Variants in C8orf74 observed in about 807,000 individuals in gnomAD.
C8orf74 encodes the protein uncharacterized protein C8orf74.
Under a neutral mutation model 22.2 loss-of-function variants are expected in C8orf74, and 29 were observed. The observed-to-expected ratio is 1.31, with a 90% confidence interval of 0.97 to 1.78. C8orf74 has a LOEUF of 1.78. Among genes scored for constraint, C8orf74 ranks in the 40% most tolerant of loss-of-function variants. The pLI is 0.00. For missense variants in C8orf74, 515 were observed against 369.9 expected, an observed-to-expected ratio of 1.39 and a Z score of -3.22; for synonymous variants, 255 against 163.1, an observed-to-expected ratio of 1.56 and a Z score of -4.30.
At chr8:10,674,909 C>A (rs1799001640) in intron 2 of C8orf74, 71 bp downstream of exon 2, 3 of 1,306,620 alleles carry the variant, frequency 2.3e-6, no homozygotes, top group Middle Eastern at 2.1e-4. Flanking sequence ...AACTCCCCTG[C>A]CGTCCACAGC....
Position 10,674,863 on chromosome 8 carries a change from C to T in C8orf74, c.241+25C>T, listed in dbSNP as rs1487909778. On this transcript the variant is annotated intron_variant, in intron 2 of 3. Coordinates refer to ENST00000304519, the MANE Select transcript of C8orf74 (RefSeq NM_001040032.2). Reference sequence around the variant, plus strand: ...GGTATGGTGTGTCCAGGGCAGGAGTCAGCAGAGGCTGGCGGGATGGGGTGG... The same window carrying T: ...GGTATGGTGTGTCCAGGGCAGGAGTTAGCAGAGGCTGGCGGGATGGGGTGG... 3.2e-6 allele frequency: 5 copies of T among 1,562,864 alleles called. No individual in the cohort carries two copies. In the South Asian group the frequency reaches 4.7e-5, roughly 15 times the overall value.
intron 2 of C8orf74, among the ~76,000 whole-genome samples, chr8:10,684,343 G>A (rs1004146903): frequency 3.3e-5 from 5 of 152,120 alleles, no homozygotes; most frequent in Non-Finnish European, 2.9e-5. Flanking sequence ...GAGAAATGGC[G>A]GCAAGGATCA....
chr8:10,690,916 C>G (rs935770455), intron 2 of C8orf74: 3 of 456,018 alleles, frequency 6.6e-6, no homozygotes, highest in African/African-American at 4.0e-5. Flanking sequence ...AAGTTCCCAG[C>G]AGCCAATGCA....
chr8:10,684,627 T>G (rs1405624281), intron 2 of C8orf74, among the ~76,000 whole-genome samples: 4 of 152,264 alleles, frequency 2.6e-5, no homozygotes, highest in Non-Finnish European at 5.9e-5. Context: ...AAGGGGTGCC[T>G]GAAACAGGGG....
rs1256193901 is a variant in C8orf74, at chr8:10,697,596, C to CAGGCTGCTCCATTACTG, written c.246_262dup. On this transcript the variant is annotated splice_region_variant and splice_polypyrimidine_tract_variant and intron_variant, in intron 2 of 3. Coordinates refer to ENST00000304519, the MANE Select transcript of C8orf74 (RefSeq NM_001040032.2). ...ACTCTGTTCTTGGCCCCTGTGCCTA[C>CAGGCTGCTCCATTACTG]AGGCTGCTCCATTACTGAGGCTGTG... is the stretch of plus-strand genomic sequence containing the variant. 2 of 1,611,860 alleles carry CAGGCTGCTCCATTACTG rather than the reference C, an allele frequency of 1.2e-6. No individual in the cohort carries two copies. Among genetic ancestry groups the CAGGCTGCTCCATTACTG allele is most frequent in the African/African-American group, 2.7e-5 (2 of 74,936 alleles).
At position 10,700,367 on chromosome 8, in the gene C8orf74, G is replaced by GCCCCCCCCCCCAAACCCCCCC; in HGVS notation, c.786_787insCCCCCCAAACCCCCCCCCCCC (p.Pro262_Thr263insProProLysProProProPro). 1.3e-5 allele frequency: 21 copies of GCCCCCCCCCCCAAACCCCCCC among 1,590,756 alleles called. No individual in the cohort carries two copies. Among genetic ancestry groups the GCCCCCCCCCCCAAACCCCCCC allele is most frequent in the Non-Finnish European group, 1.5e-5 (17 of 1,159,652 alleles). On this transcript the variant is annotated inframe_insertion, in exon 4 of 4. Coordinates refer to ENST00000304519, the MANE Select transcript of C8orf74 (RefSeq NM_001040032.2). ...TCAGAAGAAGACTCTGAACCTCAAC[G>GCCCCCCCCCCCAAACCCCCCC]CCCCCACCCCTATCCCGCCCCCCAT...
chr8:10,697,113 G>T (rs6980758), intron 2 of C8orf74, among the ~76,000 whole-genome samples: 8,430 of 152,156 alleles, frequency 0.055, 772 homozygotes, highest in African/African-American at 0.19. Flanking sequence ...TGGTACACTC[G>T]ATACCTTTCA....
chr8:10,679,865 C>T (rs929428738), intron 2 of C8orf74: 3 of 152,806 alleles, frequency 2.0e-5, no homozygotes, highest in Non-Finnish European at 2.9e-5. Context: ...CCCTGCTTCA[C>T]CAGGCCGTCC....
chr8:10,695,659 G>C (rs751843513), intron 2 of C8orf74, among the ~76,000 whole-genome samples: 1 of 152,190 alleles, frequency 6.6e-6, no homozygotes, highest in African/African-American at 2.4e-5. Context: ...GGAATGGGGG[G>C]TGGGGAGACT....
At chr8:10,679,564 C>T (rs1465396024) in intron 2 of C8orf74, among the ~76,000 whole-genome samples, 1 of 152,220 alleles carries the variant, frequency 6.6e-6, no homozygotes, top group Non-Finnish European at 1.5e-5. Flanking sequence ...TGCCCTCCAG[C>T]CCTGGGTAAA....
intron 2 of C8orf74, chr8:10,692,799 C>T (rs979080444): frequency 6.6e-6 from 1 of 152,194 alleles, no homozygotes; most frequent in Non-Finnish European, 1.5e-5. Context: ...TGTGTCCATT[C>T]AAGAAGTCTC....
chr8:10,695,655 G>T (rs1335683088), intron 2 of C8orf74, among the ~76,000 whole-genome samples: 1 of 152,208 alleles, frequency 6.6e-6, no homozygotes, highest in Non-Finnish European at 1.5e-5. Flanking sequence ...GAAGGGAATG[G>T]GGGGTGGGGA....
Position 10,683,793 on chromosome 8 carries a change from C to T in C8orf74, c.241+8955C>T, listed in dbSNP as rs375460388. On this transcript the variant is annotated intron_variant, in intron 2 of 3. Coordinates refer to ENST00000304519, the MANE Select transcript of C8orf74 (RefSeq NM_001040032.2). ...TTTCCGGTGTCTGAGCATCTGAGGCCCTCAGCTGTGAGACTGATGGGGAAT... is the reference window on the plus strand; with the variant it reads ...TTTCCGGTGTCTGAGCATCTGAGGCTCTCAGCTGTGAGACTGATGGGGAAT... Among the ~76,000 whole-genome samples the T allele has an allele frequency of 1.3e-3, 199 of 152,322 alleles. 4 individuals are homozygous for T. In the South Asian group the frequency reaches 0.039, roughly 30 times the overall value.
rs982939748 is a variant in C8orf74 at position 10,672,725 on chromosome 8, G to A, written c.48+12G>A. On this transcript the variant is annotated intron_variant, in intron 1 of 3. Transcript: ENST00000304519. ...TCTTCCAACTTCAGGTGAAGGAAGA[G>A]AAAATGTGGCTTTTAAACAGAAACT... 6 of 1,554,560 alleles carry A rather than the reference G, an allele frequency of 3.9e-6. No homozygotes were observed. Among genetic ancestry groups the A allele is most frequent in the South Asian group, 1.2e-5 (1 of 84,258 alleles).
chr8:10,686,806 G>A, intron 2 of C8orf74: 1 of 193,216 alleles, frequency 5.2e-6, no homozygotes, highest in Non-Finnish European at 1.1e-5. Flanking sequence ...AGAGGATAAA[G>A]CACAAGGGCC....
chr8:10,686,877 C>G (rs1586041565), intron 2 of C8orf74, among the ~76,000 whole-genome samples: 2 of 152,332 alleles, frequency 1.3e-5, no homozygotes, highest in East Asian at 1.9e-4. Context: ...ACCCAGCCCA[C>G]TCCCAGCTGT....
Position 10,674,828 on chromosome 8 carries a change from G to A in C8orf74, c.231G>A (p.Arg77=), listed in dbSNP as rs1485083220. ...TCAAGTTCACAGAAGAGCTGCTAAG[G>A]GAAACCAAAGGTATGGTGTGTCCAG... ...QVVKFTEELL[R]ETKGCSITEA... The change falls in exon 2 of 4, where the codon AGG becomes AGA. Residue 77 remains arginine (R), a synonymous_variant. Transcript: ENST00000304519. The A allele has an allele frequency of 6.3e-7, 1 of 1,599,780 alleles. No homozygotes were observed. Among genetic ancestry groups the A allele is most frequent in the Non-Finnish European group, 8.5e-7 (1 of 1,173,346 alleles).
intron 1 of C8orf74, among the ~76,000 whole-genome samples, chr8:10,673,951 C>T (rs1202205028): frequency 1.2e-4 from 17 of 146,994 alleles, no homozygotes; most frequent in Non-Finnish European, 2.3e-4. Flanking sequence ...TCATACCCTC[C>T]GACCCCCATA....
In C8orf74 at chr8:10,674,694, T is replaced by A. The variant is rs760421080; in HGVS notation, c.97T>A (p.Phe33Ile). The A allele has an allele frequency of 6.2e-7, 1 of 1,609,180 alleles. No homozygotes were observed. Among genetic ancestry groups the A allele is most frequent in the South Asian group, 1.1e-5 (1 of 89,950 alleles). Reference sequence around the variant, plus strand: ...GCGGAGGCTTCTGAACTGGGAGGAGTTTGACGAACAGAGAGACTCCCGGAG... The same window carrying A: ...GCGGAGGCTTCTGAACTGGGAGGAGATTGACGAACAGAGAGACTCCCGGAG... The part of the protein sequence containing the change: ...RLRRLLNWEE[F>I]DEQRDSRRSI... The change falls in exon 2 of 4, where the codon TTT becomes ATT. Residue 33 changes from phenylalanine (F) to isoleucine (I), a missense_variant. Coordinates refer to ENST00000304519, the MANE Select transcript of C8orf74 (RefSeq NM_001040032.2).
Sources: gnomAD v4.1 joint callset for allele counts (sites outside exome capture counted in the v4.1 genomes callset) on GRCh38, gnomAD v4.1.1 for gene constraint, MANE v1.5 for transcripts, NCBI Gene and HGNC (gene_info 2026-07-23, HGNC 2026-07-21) for gene names.